ESRRB: variants seen among roughly 807,000 people sequenced by gnomAD.
ESRRB encodes estrogen related receptor beta, also known as steroid hormone receptor ERR2.
Under a neutral mutation model 46.0 loss-of-function variants are expected in ESRRB, and 16 were observed. The observed-to-expected ratio is 0.35, with a 90% CI of 0.24 to 0.53. ESRRB has a LOEUF of 0.53. ESRRB is among the 20% of genes least tolerant of loss of function. ESRRB has a pLI of 0.93. For missense variants in ESRRB, 488 were observed against 607.4 expected, an observed-to-expected ratio of 0.80 and a Z score of 2.07; for synonymous variants, 246 against 259.6, an observed-to-expected ratio of 0.95 and a Z score of 0.50.
chr14:76,317,745 A>T (rs1467916647), intron 1 of ESRRB, among the ~76,000 whole-genome samples: 1 of 152,154 alleles, frequency 6.6e-6, no homozygotes, highest in Non-Finnish European at 1.5e-5. Flanking sequence ...ATTGCTGGTA[A>T]TTCAGGTGCT....
chr14:76,333,111 A>ATATT (rs1321753217), intron 1 of ESRRB, among the ~76,000 whole-genome samples: 1 of 10,594 alleles, frequency 9.4e-5, no homozygotes, highest in African/African-American at 3.6e-4. Flanking sequence ...TATAATATAT[A>ATATT]ATATATAATA....
intron 2 of ESRRB, among the ~76,000 whole-genome samples, chr14:76,449,696 G>A (rs1888301306): frequency 1.3e-5 from 2 of 151,606 alleles, no homozygotes; most frequent in East Asian, 3.9e-4. Flanking sequence ...TGACTTAATA[G>A]CACCTCTGAT....
At chr14:76,355,214 A>T (rs1475657079) in intron 1 of ESRRB, among the ~76,000 whole-genome samples, 1 of 152,108 alleles carries the variant, frequency 6.6e-6, no homozygotes, top group Non-Finnish European at 1.5e-5. Flanking sequence ...GGGCTCAGAG[A>T]AGTTAAGGAC....
intron 1 of ESRRB, among the ~76,000 whole-genome samples, chr14:76,426,413 G>T (rs1429960186): frequency 6.6e-6 from 1 of 152,206 alleles, no homozygotes; most frequent in Non-Finnish European, 1.5e-5. Flanking sequence ...AGTCCTCCTG[G>T]TGTCTAGCAA....
chr14:76,335,054 G>A (rs966950501), intron 1 of ESRRB, among the ~76,000 whole-genome samples: 1 of 152,160 alleles, frequency 6.6e-6, no homozygotes, highest in Non-Finnish European at 1.5e-5. Flanking sequence ...TGATTGGCCA[G>A]CCCCTCTCTG....
At chr14:76,329,570 G>A (rs929652855) in intron 1 of ESRRB, among the ~76,000 whole-genome samples, 4 of 152,174 alleles carry the variant, frequency 2.6e-5, no homozygotes, top group African/African-American at 9.7e-5. Flanking sequence ...TTTTGTTTAC[G>A]GCTCCGCGGT....
intron 1 of ESRRB, chr14:76,310,978 TTCTCTCTCTCTCTCTCTCTC>T (rs68079657): frequency 3.3e-5 from 12 of 362,688 alleles, no homozygotes; most frequent in East Asian, 8.4e-5. Flanking sequence ...TCTGTCCCCT[TTCTCTCTCTCTCTCTCTCTC>T]TCTCTCTCTC....
chr14:76,499,014 G>A lies in ESRRB; in HGVS notation c.*556G>A, dbSNP rs1034853743. ...CCATACCTTCCACAGTTTCCACTCAGCTTTCAGCCAGGGGGTACCCACAGG... is the reference window on the plus strand; with the variant it reads ...CCATACCTTCCACAGTTTCCACTCAACTTTCAGCCAGGGGGTACCCACAGG... On this transcript the variant is annotated 3_prime_UTR_variant, in exon 7 of 7. Transcript: ENST00000644823. The A allele has an allele frequency of 2.8e-6, 1 of 362,836 alleles. No homozygotes were observed. Among genetic ancestry groups the A allele is most frequent in the Non-Finnish European group, 5.6e-6 (1 of 177,304 alleles). The allele number at this position is 362,836 out of a possible 1,614,324, so 22.5% of individuals were successfully genotyped here.
intron 3 of ESRRB, among the ~76,000 whole-genome samples, chr14:76,473,413 C>A (rs1409152388): frequency 6.6e-6 from 1 of 152,222 alleles, no homozygotes; most frequent in African/African-American, 2.4e-5. Flanking sequence ...GACCTCAGAC[C>A]TGGATAGTAG....
chr14:76,353,128 C>G (rs1468674422), intron 1 of ESRRB, among the ~76,000 whole-genome samples: 1 of 152,236 alleles, frequency 6.6e-6, no homozygotes, highest in African/African-American at 2.4e-5. Flanking sequence ...GCCTCTCTCA[C>G]GAGCGTGCCA....
intron 1 of ESRRB, among the ~76,000 whole-genome samples, chr14:76,360,798 G>T (rs2139771375): frequency 6.6e-6 from 1 of 152,288 alleles, no homozygotes; most frequent in South Asian, 2.1e-4. Context: ...AAAGAGGCCT[G>T]TTGCTCTGCC....
chr14:76,485,299 G>C (rs1889964231), intron 5 of ESRRB, among the ~76,000 whole-genome samples: 1 of 143,810 alleles, frequency 7.0e-6, no homozygotes, highest in Admixed American at 7.2e-5. Context: ...GGAGTGCAGT[G>C]GTGCGATCTC....
At chr14:76,377,574 C>CTTTCCTGCTTAACTTT (rs1566865935) in intron 1 of ESRRB, among the ~76,000 whole-genome samples, 1 of 152,156 alleles carries the variant, frequency 6.6e-6, no homozygotes, top group Non-Finnish European at 1.5e-5. Flanking sequence ...ACTTTGTGCT[C>CTTTCCTGCTTAACTTT]GTCTTCCTCT....
intron 1 of ESRRB, among the ~76,000 whole-genome samples, chr14:76,347,353 T>C (rs1884263259): frequency 6.6e-6 from 1 of 152,098 alleles, no homozygotes; most frequent in Admixed American, 6.5e-5. Context: ...CCTGAGCTGG[T>C]TACATGTTCC....
At chr14:76,423,616 C>G (rs993505383) in intron 1 of ESRRB, among the ~76,000 whole-genome samples, 1 of 152,006 alleles carries the variant, frequency 6.6e-6, no homozygotes. Flanking sequence ...TGACTCAGAC[C>G]GGTGACTGTC....
Position 76,435,937 on chromosome 14 carries a change from CT to C in ESRRB, c.51-3402del, listed in dbSNP as rs528283129. Among the ~76,000 whole-genome samples the C allele has an allele frequency of 3.5e-3, 532 of 152,322 alleles. 2 individuals are homozygous for C. Among genetic ancestry groups the C allele is most frequent in the African/African-American group, 0.012 (491 of 41,570 alleles). Reference sequence around the variant, plus strand: ...ACTCAGGCTCTAAATTAATAGCGGGCTTCCTGTACCAACCCTGATAGTTAAT... The same window carrying C: ...ACTCAGGCTCTAAATTAATAGCGGGCTCCTGTACCAACCCTGATAGTTAAT... On this transcript the variant is annotated intron_variant, in intron 1 of 6. Coordinates refer to ENST00000644823, the MANE Select transcript of ESRRB (RefSeq NM_001379180.1).
chr14:76,380,327 T>C (rs529119069), intron 1 of ESRRB, among the ~76,000 whole-genome samples: 3 of 152,156 alleles, frequency 2.0e-5, no homozygotes, highest in Non-Finnish European at 2.9e-5. Flanking sequence ...CATGAATGCA[T>C]AGGATTCAGA....
At chr14:76,497,154 G>A (rs770912430) in intron 6 of ESRRB, among the ~76,000 whole-genome samples, 14 of 152,100 alleles carry the variant, frequency 9.2e-5, no homozygotes, top group South Asian at 2.1e-4. Flanking sequence ...GTAAGTGGCC[G>A]AGAGTGTAGG....
intron 1 of ESRRB, among the ~76,000 whole-genome samples, chr14:76,395,603 G>T (rs1311898904): frequency 2.6e-5 from 4 of 152,082 alleles, no homozygotes; most frequent in African/African-American, 9.7e-5. Context: ...GTGGGAATAA[G>T]AATCCTTCTC....
Sources: allele counts gnomAD v4.1 joint callset (sites outside exome capture counted in the v4.1 genomes callset), GRCh38; gene constraint gnomAD v4.1.1; transcripts MANE v1.5; gene names NCBI Gene and HGNC (gene_info 2026-07-23, HGNC 2026-07-21).